TNNI3K: variants seen among roughly 807,000 people sequenced by gnomAD.
TNNI3K encodes the protein TNNI3 interacting kinase, also known as serine/threonine-protein kinase TNNI3K.
TNNI3K carries 140 observed loss-of-function variants against 114.5 expected under a neutral mutation model. The ratio of observed to expected loss-of-function variants is 1.22; its 90% CI spans 1.07 to 1.41. The LOEUF (loss-of-function observed/expected upper bound fraction) is 1.41. Among genes scored for constraint, TNNI3K ranks in the 40% most tolerant of loss-of-function variants. The pLI is 0.00. For missense variants in TNNI3K, 1,125 were observed against 1,007.6 expected (o/e 1.12, Z -1.58); for synonymous variants, 347 against 347.5 (o/e 1.00, Z 0.02).
In TNNI3K at chr1:74,369,443, G is replaced by T. The variant is rs1394060258; in HGVS notation, c.1525G>T (p.Glu509Ter). ...SKSDVDMFCR[E>*]VSILCQLNHP... is the part of the protein sequence containing the mutation. ...GTCAGATGTGGATATGTTTTGCCGA[G>T]AGGTGTCCATTCTCTGCCAGCTCAA... Residue 509 changes from glutamate (E) to a stop codon, truncating the protein, a stop_gained, in exon 16 of 25, where the codon GAG (glutamate) becomes TAG (stop). Transcript: ENST00000326637. LOFTEE classifies it high-confidence loss of function. The T allele has an allele frequency of 6.2e-7, 1 of 1,612,380 alleles. No homozygotes were observed.
chr1:74,400,846 T>C (rs2100590016), intron 17 of TNNI3K, among the ~76,000 whole-genome samples: 1 of 152,320 alleles, frequency 6.6e-6, no homozygotes, highest in South Asian at 2.1e-4. Flanking sequence ...CATGAGCTAC[T>C]ACCATTCAAT....
intron 5 of TNNI3K, among the ~76,000 whole-genome samples, chr1:74,323,537 G>A (rs1415853586): frequency 1.3e-5 from 2 of 151,926 alleles, no homozygotes; most frequent in African/African-American, 4.8e-5. Context: ...GACAATATCA[G>A]CCGAGGGCAA....
chr1:74,332,298 T>A (rs1174419542), intron 6 of TNNI3K, among the ~76,000 whole-genome samples: 1 of 142,466 alleles, frequency 7.0e-6, no homozygotes, highest in Non-Finnish European at 1.6e-5. Flanking sequence ...CTATTTGCCC[T>A]TTTTTTTTTT....
At chr1:74,338,128 G>A (rs1050875653) in intron 7 of TNNI3K, among the ~76,000 whole-genome samples, 6 of 151,854 alleles carry the variant, frequency 4.0e-5, no homozygotes, top group South Asian at 2.1e-4. Flanking sequence ...AATGTTTTAG[G>A]AAATTTCTAG....
intron 23 of TNNI3K, among the ~76,000 whole-genome samples, chr1:74,510,278 G>T (rs1476189302): frequency 6.6e-6 from 1 of 152,024 alleles, no homozygotes. Flanking sequence ...AGGCCGAGGC[G>T]GGCAGATCAC....
At chr1:74,270,399 G>A (rs1476504179) in intron 4 of TNNI3K, among the ~76,000 whole-genome samples, 5 of 150,868 alleles carry the variant, frequency 3.3e-5, no homozygotes, top group Admixed American at 2.6e-4. Flanking sequence ...TTTTTAAAAC[G>A]GAGAAAACAT....
intron 23 of TNNI3K, 73 bp downstream of exon 23, chr1:74,492,339 G>T: frequency 7.2e-7 from 1 of 1,382,106 alleles, no homozygotes; most frequent in South Asian, 2.3e-5. Flanking sequence ...CAACTGATTT[G>T]ATTACTATTA....
At chr1:74,430,580 G>T (rs1665847030) in intron 17 of TNNI3K, among the ~76,000 whole-genome samples, 1 of 152,130 alleles carries the variant, frequency 6.6e-6, no homozygotes, top group Non-Finnish European at 1.5e-5. Flanking sequence ...TTCAGATGAA[G>T]TAAATCTTGC....
intron 18 of TNNI3K, 137 bp from the exon 19 acceptor site, chr1:74,436,337 T>C (rs890609922): frequency 1.7e-4 from 215 of 1,228,606 alleles, no homozygotes; most frequent in Non-Finnish European, 2.3e-4. Context: ...TTCTTCTTTC[T>C]TATCTCCAGC....
chr1:74,368,047 A>G (rs1662373317), intron 13 of TNNI3K, 83 bp downstream of exon 13: 20 of 1,308,404 alleles, frequency 1.5e-5, no homozygotes, highest in East Asian at 5.3e-5. Context: ...TTTGTTTTAC[A>G]TATTACAAAT....
chr1:74,251,692 AC>A (rs1264265495), intron 4 of TNNI3K, among the ~76,000 whole-genome samples: 2 of 152,114 alleles, frequency 1.3e-5, no homozygotes, highest in Non-Finnish European at 2.9e-5. Context: ...AGGAGGGACA[AC>A]TTTTTGCTTG....
chr1:74,268,610 G>A (rs1244542650), intron 4 of TNNI3K, among the ~76,000 whole-genome samples: 1 of 151,666 alleles, frequency 6.6e-6, no homozygotes, highest in Non-Finnish European at 1.5e-5. Flanking sequence ...GGTACTATAG[G>A]TATTATCAGA....
chr1:74,322,168 GA>G (rs1406333132), intron 5 of TNNI3K, among the ~76,000 whole-genome samples: 1 of 152,094 alleles, frequency 6.6e-6, no homozygotes. Flanking sequence ...GAAACCTTGA[GA>G]ATTATGTTCA....
intron 17 of TNNI3K, among the ~76,000 whole-genome samples, chr1:74,404,517 A>G (rs1387411250): frequency 6.6e-6 from 1 of 152,156 alleles, no homozygotes; most frequent in African/African-American, 2.4e-5. Flanking sequence ...TTCAGCATAC[A>G]TCAGAATCAT....
rs1276159828 is a variant in TNNI3K at position 74,450,112 on chromosome 1, C to T, written c.2011+10490C>T. ...CAGGATTAAGAATCTCACTCAAAGC[C>T]GCTCAACTACATGGAAACTGAACAA... is the stretch of plus-strand genomic sequence containing the variant. On this transcript the variant is annotated intron_variant, in intron 20 of 24. Transcript: ENST00000326637. Among the ~76,000 whole-genome samples, 8 of 142,862 alleles carry T rather than the reference C, an allele frequency of 5.6e-5. 1 individual carries two copies. Among genetic ancestry groups the T allele is most frequent in the Non-Finnish European group, 1.1e-4 (7 of 65,842 alleles). The allele number at this position is 142,862 out of a possible 152,430, so 93.7% of individuals were successfully genotyped here.
chr1:74,461,244 G>T (rs1017475856), intron 20 of TNNI3K, among the ~76,000 whole-genome samples: 1 of 152,160 alleles, frequency 6.6e-6, no homozygotes, highest in Non-Finnish European at 1.5e-5. Context: ...ACTTTGGGAG[G>T]CCAAGGCAGG....
chr1:74,255,109 T>A (rs574489910), intron 4 of TNNI3K, among the ~76,000 whole-genome samples: 7 of 152,238 alleles, frequency 4.6e-5, no homozygotes, highest in Admixed American at 3.3e-4. Context: ...AATGCCTAAC[T>A]TTTGGGAGGC....
intron 5 of TNNI3K, among the ~76,000 whole-genome samples, chr1:74,303,474 A>G (rs1658450615): frequency 6.6e-6 from 1 of 152,118 alleles, no homozygotes; most frequent in African/African-American, 2.4e-5. Flanking sequence ...CGGTATACTG[A>G]ATATTTTAAG....
chr1:74,331,978 G>A (rs1245231315), intron 6 of TNNI3K, among the ~76,000 whole-genome samples: 1 of 152,074 alleles, frequency 6.6e-6, no homozygotes, highest in Non-Finnish European at 1.5e-5. Flanking sequence ...TAGCTGTGAT[G>A]ATGCTAATGG....
Sources: gnomAD v4.1 joint callset for allele counts (sites outside exome capture counted in the v4.1 genomes callset) on GRCh38, gnomAD v4.1.1 for gene constraint, MANE v1.5 for transcripts, NCBI Gene and HGNC (gene_info 2026-07-23, HGNC 2026-07-21) for gene names.